Variants in SATB1 observed in about 807,000 individuals in gnomAD.
The protein encoded by SATB1 is SATB homeobox 1, also known as DNA-binding protein SATB1.
Under a neutral mutation model 86.9 loss-of-function variants are expected in SATB1, and 11 were observed. The ratio of observed to expected loss-of-function variants is 0.13; its 90% confidence interval spans 0.08 to 0.21. The LOEUF (loss-of-function observed/expected upper bound fraction) is 0.21, where lower values mean the gene tolerates loss of function less well. SATB1 is among the 10% of genes least tolerant of loss of function. The pLI, the probability that SATB1 is intolerant of heterozygous loss-of-function variation, is 1.00. For missense variants in SATB1, 551 were observed against 937.6 expected, an observed-to-expected ratio of 0.59 and a Z score of 5.39; for synonymous variants, 357 against 357.2, an observed-to-expected ratio of 1.00 and a Z score of 0.01.
At chr3:18,403,000 C>G (rs1697348596) in intron 5 of SATB1, among the ~76,000 whole-genome samples, 1 of 152,038 alleles carries the variant, frequency 6.6e-6, no homozygotes, top group African/African-American at 2.4e-5. Context: ...TCAACCAGAA[C>G]AGTCCTGACA....
chr3:18,421,202 GTAC>G, intron 1 of SATB1: 1 of 416,174 alleles, frequency 2.4e-6, no homozygotes. Flanking sequence ...TGTGGAAACT[GTAC>G]CAATACACAT....
intron 9 of SATB1, among the ~76,000 whole-genome samples, chr3:18,354,250 C>G (rs1454709943): frequency 1.3e-5 from 2 of 152,154 alleles, no homozygotes; most frequent in Non-Finnish European, 2.9e-5. Context: ...TTTCCTACAA[C>G]TAAGCTATTC....
intron 7 of SATB1, among the ~76,000 whole-genome samples, chr3:18,389,284 C>T (rs1283917405): frequency 7.3e-6 from 1 of 136,524 alleles, no homozygotes; most frequent in Non-Finnish European, 1.5e-5. Context: ...TTTTTTTGGC[C>T]CAGAGCTTTC....
chr3:18,417,150 G>T, intron 2 of SATB1, 72 bp from the exon 3 acceptor site: 1 of 1,441,932 alleles, frequency 6.9e-7, no homozygotes, highest in South Asian at 1.2e-5. Flanking sequence ...GGTGGCGGGA[G>T]GAAATATTAG....
chr3:18,370,625 C>T (rs1192508983), intron 9 of SATB1, among the ~76,000 whole-genome samples: 3 of 150,362 alleles, frequency 2.0e-5, no homozygotes, highest in Admixed American at 6.6e-5. Context: ...TAAGATTCAC[C>T]TGCTAAACAA....
Position 18,386,494 on chromosome 3 carries a change from G to C in SATB1, c.1324C>G (p.Arg442Gly), listed in dbSNP as rs770817814. 1 of 1,614,046 alleles carries C rather than the reference G, an allele frequency of 6.2e-7. No individual in the cohort carries two copies. Among genetic ancestry groups the C allele is most frequent in the African/African-American group, 1.3e-5 (1 of 74,994 alleles). Reference protein sequence around the residue: ...FLQLPEAERDRIYQDERERSL... With the variant: ...FLQLPEAERDGIYQDERERSL... ...CTTTCCCTTTCGTCCTGGTATATTC[G>C]GTCTCTTTCAGCTTCCGGTAACTGC... Residue 442 changes from arginine to glycine, a missense_variant, in exon 8 of 11, where the codon CGA (arginine) becomes GGA (glycine). By Grantham distance (125) the Arg-to-Gly change is moderately radical. Coordinates refer to ENST00000338745, the MANE Select transcript of SATB1 (RefSeq NM_002971.6). This position sits in a 1 kb window ranked among gnomAD's most constrained non-coding sequence, Gnocchi z 4.5.
chr3:18,362,238 A>G (rs1358588261), intron 9 of SATB1, among the ~76,000 whole-genome samples: 2 of 152,038 alleles, frequency 1.3e-5, no homozygotes, highest in Admixed American at 6.6e-5. Context: ...CAACCCTGCT[A>G]TTTGAGTTAC....
intron 5 of SATB1, among the ~76,000 whole-genome samples, chr3:18,413,511 A>G (rs970728212): frequency 3.9e-5 from 6 of 152,078 alleles, no homozygotes; most frequent in African/African-American, 1.4e-4. Context: ...GATCATTTCA[A>G]ATTTTCATAT....
At chr3:18,397,690 C>A (rs946439916) in intron 5 of SATB1, among the ~76,000 whole-genome samples, 1 of 152,170 alleles carries the variant, frequency 6.6e-6, no homozygotes, top group Non-Finnish European at 1.5e-5. Flanking sequence ...ATCTTTTCTA[C>A]TCAAAGTATA....
At chr3:18,359,926 G>T (rs11920265) in intron 9 of SATB1, among the ~76,000 whole-genome samples, 3,543 of 151,736 alleles carry the variant, frequency 0.023, 140 homozygotes, top group African/African-American at 0.08. Context: ...CTATTGACTT[G>T]TCAGAACTGG....
intron 8 of SATB1, among the ~76,000 whole-genome samples, 196 bp from the exon 9 acceptor site, chr3:18,378,521 G>A (rs1288532389): frequency 6.6e-6 from 1 of 152,144 alleles, no homozygotes; most frequent in South Asian, 2.1e-4. Context: ...ACAGGTGATT[G>A]CATCTGTAAT....
chr3:18,364,794 T>G (rs762752528), intron 9 of SATB1, among the ~76,000 whole-genome samples: 10 of 152,198 alleles, frequency 6.6e-5, no homozygotes, highest in Non-Finnish European at 1.5e-4. Flanking sequence ...CTCCTATAAG[T>G]TCTTAACATA....
At chr3:18,431,470 G>A (rs9310567) in intron 2 of SATB1, among the ~76,000 whole-genome samples, 141,819 of 152,272 alleles carry the variant, frequency 0.93, 66,109 homozygotes, top group African/African-American at 0.97. Context: ...CCCTTTGACA[G>A]TCTTAGGACG....
rs79382191 is a variant in SATB1 at position 18,437,628 on chromosome 3, A to T, written c.-107-757T>A. Among the ~76,000 whole-genome samples, 866 of 152,302 alleles carry T rather than the reference A, an allele frequency of 5.7e-3. 11 individuals are homozygous for T. The highest frequency in any genetic ancestry group is 0.02 in the African/African-American group (819 of 41,580). On this transcript the variant is annotated intron_variant, in intron 1 of 3. Coordinates refer to the SATB1 transcript ENST00000414509. ...AAACTGTCATTGTTAAACTTTTAAG[A>T]TAATGTTCTAAATTGTTTCTGAGTC...
chr3:18,349,685 G>A lies in SATB1; in HGVS notation c.1780-3C>T. 1 of 1,593,940 alleles carries A rather than the reference G, an allele frequency of 6.3e-7. No individual in the cohort carries two copies. Among genetic ancestry groups the A allele is most frequent in the East Asian group, 2.3e-5 (1 of 44,076 alleles). On this transcript the variant is annotated splice_region_variant and splice_polypyrimidine_tract_variant and intron_variant, in intron 10 of 10. Coordinates refer to ENST00000338745, the MANE Select transcript of SATB1 (RefSeq NM_002971.6). This position sits in a 1 kb window ranked among gnomAD's most constrained non-coding sequence, Gnocchi z 5.5. Reference sequence around the variant, plus strand: ...TGTTGCTGTTGCTGCTGCTGTTGCTGCAAAGAAACAAGGAGACAATCAGAG... The same window carrying A: ...TGTTGCTGTTGCTGCTGCTGTTGCTACAAAGAAACAAGGAGACAATCAGAG...
intron 5 of SATB1, among the ~76,000 whole-genome samples, chr3:18,404,921 C>T (rs183349732): frequency 2.0e-5 from 3 of 152,058 alleles, no homozygotes; most frequent in African/African-American, 4.8e-5. Flanking sequence ...GGGAACTGAA[C>T]TAGATAATCT....
chr3:18,445,457 T>C (rs1301019826), intron 1 of SATB1: 12 of 984,846 alleles, frequency 1.2e-5, no homozygotes, highest in South Asian at 4.7e-5. Context: ...GTGTGGGCGC[T>C]TGGGGGTGCG....
chr3:18,417,599 G>T, intron 2 of SATB1: 3 of 671,568 alleles, frequency 4.5e-6, no homozygotes, highest in South Asian at 1.6e-5. Context: ...AACTCTAACT[G>T]GTTCCACAAA....
At chr3:18,385,354 G>A (rs1696282082) in intron 8 of SATB1, among the ~76,000 whole-genome samples, 1 of 152,188 alleles carries the variant, frequency 6.6e-6, no homozygotes, top group Non-Finnish European at 1.5e-5. Flanking sequence ...CGGGCGCGGT[G>A]GCTCAGGCCT....
Sources: gnomAD v4.1 joint callset for allele counts (sites outside exome capture counted in the v4.1 genomes callset) on GRCh38, gnomAD v4.1.1 for gene constraint, Gnocchi (gnomAD v3.1) non-coding constraint, MANE v1.5 for transcripts, NCBI Gene and HGNC (gene_info 2026-07-23, HGNC 2026-07-21) for gene names.